The following PRDM16 variants were observed in gnomAD, a reference collection of about 807,000 sequenced individuals.
The protein encoded by PRDM16 is histone-lysine N-methyltransferase PRDM16.
PRDM16 carries 23 observed loss-of-function variants against 110.6 expected under a neutral mutation model. The ratio of observed to expected loss-of-function variants is 0.21; its 90% confidence interval spans 0.15 to 0.29. PRDM16 has a LOEUF of 0.29. Ranked by LOEUF, PRDM16 falls within the 10% of genes least tolerant of loss-of-function variation. PRDM16 has a pLI of 1.00. For missense variants in PRDM16, 1,615 were observed against 1,794.3 expected (o/e 0.90, Z 1.81); for synonymous variants, 799 against 781.8 (o/e 1.02, Z -0.37).
intron 2 of PRDM16, among the ~76,000 whole-genome samples, chr1:3,187,037 G>A (rs1004984713): frequency 2.6e-5 from 4 of 152,230 alleles, no homozygotes; most frequent in Non-Finnish European, 4.4e-5. Context: ...CCACCACGAC[G>A]TGACTGGCCT....
rs148710601 is a variant in PRDM16 at position 3,182,730 on chromosome 1, C to A, written c.38-3395C>A. The stretch of plus-strand genomic sequence containing the variant: ...CTTCACCTCCCTTACCTGTATTATG[C>A]GATCAAATGACGATCGCTCATACGT... On this transcript the variant is annotated intron_variant, in intron 1 of 16. Transcript: ENST00000270722. Among the ~76,000 whole-genome samples, 8 of 152,276 alleles carry A rather than the reference C, an allele frequency of 5.3e-5. No individual in the cohort carries two copies. The East Asian group carries it at 1.6e-3, about 30-fold the overall frequency.
intron 2 of PRDM16, among the ~76,000 whole-genome samples, chr1:3,204,268 C>T (rs1429092533): frequency 3.9e-5 from 6 of 152,240 alleles, no homozygotes; most frequent in South Asian, 2.1e-4. Context: ...ACAGATGAAA[C>T]GTCTGTGTGG....
intron 1 of PRDM16, among the ~76,000 whole-genome samples, chr1:3,099,660 G>C (rs1041484988): frequency 2.6e-5 from 4 of 152,234 alleles, no homozygotes; most frequent in Non-Finnish European, 5.9e-5. Flanking sequence ...GGGTCACAGA[G>C]ACAAGCATGA....
intron 3 of PRDM16, among the ~76,000 whole-genome samples, chr1:3,313,736 C>T (rs1052058936): frequency 5.3e-5 from 8 of 152,174 alleles, no homozygotes; most frequent in African/African-American, 9.7e-5. Flanking sequence ...CCTCCTGCCC[C>T]GGCGGGCCTG....
At chr1:3,256,952 C>T (rs941045663) in intron 3 of PRDM16, among the ~76,000 whole-genome samples, 2 of 152,166 alleles carry the variant, frequency 1.3e-5, no homozygotes, top group Admixed American at 6.5e-5. Context: ...TAAGGACACA[C>T]GTGTCTGAAA....
At chr1:3,155,160 G>A (rs1643838856) in intron 1 of PRDM16, among the ~76,000 whole-genome samples, 1 of 152,176 alleles carries the variant, frequency 6.6e-6, no homozygotes, top group Non-Finnish European at 1.5e-5. Context: ...AGAGGCTGCC[G>A]TCCTGCGGAC....
intron 3 of PRDM16, among the ~76,000 whole-genome samples, chr1:3,352,369 T>C (rs991751282): frequency 6.6e-6 from 1 of 152,068 alleles, no homozygotes; most frequent in Non-Finnish European, 1.5e-5. Context: ...TAATTGTTTT[T>C]CTCCCCCCAG....
chr1:3,340,965 C>T (rs1397381749), intron 3 of PRDM16, among the ~76,000 whole-genome samples: 1 of 152,206 alleles, frequency 6.6e-6, no homozygotes, highest in Non-Finnish European at 1.5e-5. Flanking sequence ...CGTGAGCTGA[C>T]CCCAGCGCAC....
chr1:3,217,836 A>T (rs1472140245), intron 2 of PRDM16, among the ~76,000 whole-genome samples: 1 of 152,130 alleles, frequency 6.6e-6, no homozygotes, highest in African/African-American at 2.4e-5. Flanking sequence ...AGTATTCGGG[A>T]TGCCGCCTGC....
chr1:3,334,217 A>G (rs189971986), intron 3 of PRDM16, among the ~76,000 whole-genome samples: 1 of 152,202 alleles, frequency 6.6e-6, no homozygotes, highest in Non-Finnish European at 1.5e-5. Context: ...CTTTCAGGAA[A>G]GAGGGAAGAC....
chr1:3,179,632 G>A (rs1337452418), intron 1 of PRDM16, among the ~76,000 whole-genome samples: 1 of 152,256 alleles, frequency 6.6e-6, no homozygotes, highest in African/African-American at 2.4e-5. Context: ...CCACCCGGCT[G>A]CCAACCCAGC....
intron 1 of PRDM16, among the ~76,000 whole-genome samples, chr1:3,096,948 C>T (rs986628231): frequency 2.6e-5 from 4 of 152,204 alleles, no homozygotes; most frequent in Non-Finnish European, 5.9e-5. Context: ...TACGCCGAGG[C>T]TGCTCTCTGT....
At chr1:3,295,070 G>A (rs1278848839) in intron 3 of PRDM16, among the ~76,000 whole-genome samples, 3 of 152,160 alleles carry the variant, frequency 2.0e-5, no homozygotes, top group Non-Finnish European at 2.9e-5. Flanking sequence ...TCCTGCCTGT[G>A]GGCCCAAACT....
intron 2 of PRDM16, among the ~76,000 whole-genome samples, chr1:3,187,047 T>A (rs1218289946): frequency 6.6e-6 from 1 of 152,216 alleles, no homozygotes; most frequent in Non-Finnish European, 1.5e-5. Context: ...GTGACTGGCC[T>A]TGAGGGTCTG....
chr1:3,325,957 CGAT>C (rs1641885123), intron 3 of PRDM16, among the ~76,000 whole-genome samples: 1 of 147,140 alleles, frequency 6.8e-6, no homozygotes, highest in Non-Finnish European at 1.5e-5. Context: ...CCATCCTCGA[CGAT>C]CCTTGGTCCT....
chr1:3,325,154 C>G (rs1641859646), intron 3 of PRDM16, among the ~76,000 whole-genome samples: 1 of 152,194 alleles, frequency 6.6e-6, no homozygotes, highest in South Asian at 2.1e-4. Context: ...ACCCCCAGGT[C>G]CTTCTGAGGG....
chr1:3,430,736 C>T (rs992250746), intron 14 of PRDM16, 136 bp from the exon 15 acceptor site: 18 of 1,056,304 alleles, frequency 1.7e-5, no homozygotes, highest in Admixed American at 1.1e-4. Flanking sequence ...CAGGGACCCG[C>T]GGGAGCTCCC....
At position 3,359,404 on chromosome 1, in the gene PRDM16, G is replaced by C. The variant is rs1185952373; in HGVS notation, c.439-25748G>C. Among the ~76,000 whole-genome samples, 1 of 152,160 alleles carries C rather than the reference G, an allele frequency of 6.6e-6. No individual in the cohort carries two copies. The highest frequency in any genetic ancestry group is 1.5e-5 in the Non-Finnish European group (1 of 68,044). On this transcript the variant is annotated intron_variant, in intron 3 of 16. Transcript: ENST00000270722. This position sits in a 1 kb window ranked among gnomAD's most constrained non-coding sequence, Gnocchi z 4.3. ...CAGGGCCTGAGGCAGAGCTTCCAGA[G>C]ACCCTGCACATGGAACACATTGGAA...
At chr1:3,135,576 C>T (rs751284033) in intron 1 of PRDM16, among the ~76,000 whole-genome samples, 2 of 152,076 alleles carry the variant, frequency 1.3e-5, no homozygotes, top group African/African-American at 2.4e-5. Flanking sequence ...CTCCGTGGCC[C>T]GCAGGTGACA....
Sources: gnomAD v4.1 joint callset for allele counts (sites outside exome capture counted in the v4.1 genomes callset) on GRCh38, gnomAD v4.1.1 for gene constraint, Gnocchi (gnomAD v3.1) non-coding constraint, MANE v1.5 for transcripts, NCBI Gene and HGNC (gene_info 2026-07-23, HGNC 2026-07-21) for gene names.